The following REEP1 variants were observed in gnomAD, a reference collection of about 807,000 sequenced individuals.
REEP1 encodes the protein receptor expression-enhancing protein 1.
A neutral mutation model predicts 40.3 loss-of-function variants in REEP1; 22 were observed. The observed-to-expected ratio is 0.55, with a 90% CI of 0.39 to 0.78. The LOEUF (loss-of-function observed/expected upper bound fraction) is 0.78. Among genes scored for constraint, REEP1 ranks in the 30% least tolerant of loss-of-function variants. REEP1 has a pLI of 0.00. For missense variants in REEP1, 280 were observed against 361.1 expected, an observed-to-expected ratio of 0.78 and a Z score of 1.82; for synonymous variants, 116 against 139.2, an observed-to-expected ratio of 0.83 and a Z score of 1.17.
At chr2:86,283,893 C>A (rs1558913550) in intron 1 of REEP1, among the ~76,000 whole-genome samples, 2 of 152,084 alleles carry the variant, frequency 1.3e-5, no homozygotes. Context: ...TGGCTTCTTG[C>A]GATCACTGTG....
chr2:86,231,464 A>G (rs1675011771), intron 6 of REEP1, among the ~76,000 whole-genome samples: 1 of 152,188 alleles, frequency 6.6e-6, no homozygotes, highest in African/African-American at 2.4e-5. Context: ...TGCCATTCCC[A>G]GGCAGCCGCA....
At chr2:86,267,895 A>C (rs967802525) in intron 2 of REEP1, among the ~76,000 whole-genome samples, 3 of 152,044 alleles carry the variant, frequency 2.0e-5, no homozygotes, top group Non-Finnish European at 4.4e-5. Flanking sequence ...CAAAGGGCCC[A>C]TAGTCTATTT....
intron 1 of REEP1, among the ~76,000 whole-genome samples, chr2:86,315,991 C>A (rs1439308554): frequency 6.6e-6 from 1 of 152,230 alleles, no homozygotes; most frequent in African/African-American, 2.4e-5. Context: ...GCTGGACACA[C>A]AAGAGGGCTT....
rs181795318 is a variant in REEP1, at chr2:86,324,187, A to G, written c.32+13292T>C. On this transcript the variant is annotated intron_variant, in intron 1 of 8. Transcript: ENST00000538924. ...GCATTAATATTAAGAACTTCTGATT[A>G]TCAATGTAGACTATAAAAAATGATA... is the stretch of plus-strand genomic sequence containing the variant. Among the ~76,000 whole-genome samples, 18 of 152,340 alleles carry G rather than the reference A, an allele frequency of 1.2e-4. No homozygotes were observed. The East Asian group carries it at 3.1e-3, about 26-fold the overall frequency.
At chr2:86,224,708 G>T (rs1177242605) in intron 7 of REEP1, among the ~76,000 whole-genome samples, 3 of 152,158 alleles carry the variant, frequency 2.0e-5, no homozygotes, top group African/African-American at 7.2e-5. Flanking sequence ...ACCTGCTCGG[G>T]GATAAGGAAC....
At chr2:86,245,347 T>C (rs1675878602) in intron 5 of REEP1, among the ~76,000 whole-genome samples, 1 of 152,166 alleles carries the variant, frequency 6.6e-6, no homozygotes, top group African/African-American at 2.4e-5. Context: ...CCTGCTCTCT[T>C]ATCTGTAAAC....
At chr2:86,279,525 T>C (rs1198206410) in intron 2 of REEP1, among the ~76,000 whole-genome samples, 1 of 152,168 alleles carries the variant, frequency 6.6e-6, no homozygotes, top group Non-Finnish European at 1.5e-5. Context: ...CTAATCCCCA[T>C]ATGGCAAATG....
intron 1 of REEP1, among the ~76,000 whole-genome samples, chr2:86,285,479 A>T (rs758337566): frequency 6.6e-6 from 1 of 152,084 alleles, no homozygotes; most frequent in Non-Finnish European, 1.5e-5. Context: ...AGCTGTACTC[A>T]CTCTTTCAAT....
chr2:86,335,447 GAA>G (rs1015416346), intron 1 of REEP1, among the ~76,000 whole-genome samples: 3 of 152,084 alleles, frequency 2.0e-5, no homozygotes, highest in African/African-American at 7.2e-5. Flanking sequence ...TAAATTCTCT[GAA>G]GTCTCGGTTC....
intron 1 of REEP1, among the ~76,000 whole-genome samples, chr2:86,309,320 C>T (rs1454185708): frequency 6.6e-6 from 1 of 152,196 alleles, no homozygotes; most frequent in East Asian, 1.9e-4. Context: ...ACTGGCAGAC[C>T]CAAACCTAAC....
At chr2:86,318,752 G>A (rs1055440509) in intron 1 of REEP1, among the ~76,000 whole-genome samples, 8 of 152,040 alleles carry the variant, frequency 5.3e-5, no homozygotes, top group Admixed American at 2.6e-4. Flanking sequence ...GTCCTTGAGC[G>A]CCATACTTTA....
intron 1 of REEP1, among the ~76,000 whole-genome samples, chr2:86,336,505 C>G (rs1163880012): frequency 6.6e-6 from 1 of 152,198 alleles, no homozygotes; most frequent in Non-Finnish European, 1.5e-5. Flanking sequence ...TTAGACTCCC[C>G]ACACCCATTT....
chr2:86,283,539 C>T (rs1276309082), intron 1 of REEP1, among the ~76,000 whole-genome samples: 1 of 152,164 alleles, frequency 6.6e-6, no homozygotes, highest in Non-Finnish European at 1.5e-5. Flanking sequence ...AACTCCTAGT[C>T]CAGAAGCAAT....
chr2:86,274,379 T>C (rs867475614), intron 2 of REEP1, among the ~76,000 whole-genome samples: 9 of 152,216 alleles, frequency 5.9e-5, no homozygotes, highest in Admixed American at 2.6e-4. Flanking sequence ...GCTGCAGCCA[T>C]GGCAGAGAGG....
At chr2:86,315,874 A>C (rs532907881) in intron 1 of REEP1, among the ~76,000 whole-genome samples, 1 of 152,334 alleles carries the variant, frequency 6.6e-6, no homozygotes, top group South Asian at 2.1e-4. Context: ...AATGACAAGT[A>C]TGTGACCAAA....
chr2:86,275,473 C>T (rs947224871), intron 2 of REEP1, among the ~76,000 whole-genome samples: 2 of 152,220 alleles, frequency 1.3e-5, no homozygotes, highest in Non-Finnish European at 2.9e-5. Context: ...AGAGTCTATA[C>T]TCTAAATTAC....
chr2:86,326,905 T>C (rs938767241), intron 1 of REEP1, among the ~76,000 whole-genome samples: 2 of 152,128 alleles, frequency 1.3e-5, no homozygotes, highest in Non-Finnish European at 2.9e-5. Flanking sequence ...TCTACCCATA[T>C]AAAACAAGCT....
intron 2 of REEP1, among the ~76,000 whole-genome samples, chr2:86,271,430 A>C (rs1046015296): frequency 6.6e-6 from 1 of 152,224 alleles, no homozygotes; most frequent in Non-Finnish European, 1.5e-5. Flanking sequence ...AATGAGAATA[A>C]GAATGATAGC....
chr2:86,265,357 CCTAACA>C (rs1327675561), intron 2 of REEP1, among the ~76,000 whole-genome samples: 10 of 152,210 alleles, frequency 6.6e-5, no homozygotes, highest in Admixed American at 1.3e-4. Context: ...AAAATTACAT[CCTAACA>C]CTAAGAGATT....
Sources: gnomAD v4.1 joint callset for allele counts (sites outside exome capture counted in the v4.1 genomes callset) on GRCh38, gnomAD v4.1.1 for gene constraint, MANE v1.5 for transcripts, NCBI Gene and HGNC (gene_info 2026-07-23, HGNC 2026-07-21) for gene names.